The following OSBPL8 variants were observed in gnomAD, a reference collection of about 807,000 sequenced individuals.
OSBPL8 encodes the protein oxysterol binding protein like 8.
In OSBPL8, 59 loss-of-function variants were observed where a neutral mutation model predicts 125.5. That is an observed-to-expected ratio of 0.47 (90% CI 0.38 to 0.58). OSBPL8 has a LOEUF of 0.58. Ranked by LOEUF, OSBPL8 falls within the 20% of genes least tolerant of loss-of-function variation. The probability of loss-of-function intolerance (pLI) is 0.00; values close to 1 mark genes in which losing one functional copy is unlikely to be tolerated. For missense variants in OSBPL8, 758 were observed against 1,047.8 expected (o/e 0.72, Z 3.82); for synonymous variants, 330 against 338.9 (o/e 0.97, Z 0.29).
At chr12:76,482,472 G>A (rs1325244404) in intron 2 of OSBPL8, among the ~76,000 whole-genome samples, 1 of 152,090 alleles carries the variant, frequency 6.6e-6, no homozygotes, top group African/African-American at 2.4e-5. Context: ...AATTAGCCGG[G>A]CGTGGTGGCG....
intron 1 of OSBPL8, among the ~76,000 whole-genome samples, chr12:76,488,763 A>G (rs1488458809): frequency 3.9e-5 from 6 of 152,264 alleles, no homozygotes; most frequent in Admixed American, 2.0e-4. Flanking sequence ...ATCAGTCACA[A>G]TAATATTGAA....
intron 4 of OSBPL8, among the ~76,000 whole-genome samples, chr12:76,434,647 A>C (rs1871236491): frequency 6.6e-6 from 1 of 152,184 alleles, no homozygotes; most frequent in Admixed American, 6.5e-5. Flanking sequence ...TCAACTCAAT[A>C]ACAAAAATTT....
intron 4 of OSBPL8, among the ~76,000 whole-genome samples, chr12:76,419,604 C>G (rs182823857): frequency 6.6e-6 from 1 of 152,122 alleles, no homozygotes; most frequent in African/African-American, 2.4e-5. Context: ...GTACTTAAGA[C>G]TGAAGCAAGA....
chr12:76,511,167 C>T (rs1044148302), intron 1 of OSBPL8, among the ~76,000 whole-genome samples: 2 of 152,144 alleles, frequency 1.3e-5, no homozygotes, highest in African/African-American at 2.4e-5. Flanking sequence ...AGGTTGATTC[C>T]GTGTCTTCGC....
chr12:76,356,162 T>TGGGGGGGGGGGGGGAGGGGG, intron 23 of OSBPL8, 141 bp from the exon 24 acceptor site: 1 of 131,274 alleles, frequency 7.6e-6, no homozygotes, highest in South Asian at 1.1e-4. Flanking sequence ...TATGTAGGGG[T>TGGGGGGGGGGGGGGAGGGGG]GGGGGGGGGC....
chr12:76,518,587 T>C (rs1881777442), intron 1 of OSBPL8, among the ~76,000 whole-genome samples: 1 of 152,150 alleles, frequency 6.6e-6, no homozygotes, highest in African/African-American at 2.4e-5. Flanking sequence ...CTAGTAGAGG[T>C]TCTCTGTGAG....
intron 2 of OSBPL8, among the ~76,000 whole-genome samples, chr12:76,479,892 C>T (rs1877263054): frequency 6.6e-6 from 1 of 152,042 alleles, no homozygotes; most frequent in African/African-American, 2.4e-5. Context: ...AGAGGCCGGG[C>T]GCGGTGGCTC....
At chr12:76,482,187 AAATT>A (rs1174403513) in intron 2 of OSBPL8, among the ~76,000 whole-genome samples, 1 of 152,258 alleles carries the variant, frequency 6.6e-6, no homozygotes, top group African/African-American at 2.4e-5. Context: ...CATATTTTTT[AAATT>A]GTTGCTTTCT....
At chr12:76,439,872 G>A (rs1286498200) in intron 4 of OSBPL8, among the ~76,000 whole-genome samples, 1 of 151,920 alleles carries the variant, frequency 6.6e-6, no homozygotes. Context: ...CCTTAAGCTT[G>A]CCAAAGGTTT....
At chr12:76,459,935 C>T (rs746896953) in intron 2 of OSBPL8, 40 bp from the exon 3 acceptor site, 26 of 1,609,562 alleles carry the variant, frequency 1.6e-5, no homozygotes, top group Non-Finnish European at 2.2e-5. Context: ...CAAATACAGT[C>T]CAAATCAGGA....
chr12:76,358,073 G>A (rs1952050354), intron 22 of OSBPL8, among the ~76,000 whole-genome samples: 1 of 151,008 alleles, frequency 6.6e-6, no homozygotes, highest in Admixed American at 6.6e-5. Flanking sequence ...ATGGAACTGA[G>A]TTCAAAGCTC....
At chr12:76,545,849 A>T (rs1592895569) in intron 1 of OSBPL8, among the ~76,000 whole-genome samples, 1 of 152,220 alleles carries the variant, frequency 6.6e-6, no homozygotes. Context: ...GCTAACTCTT[A>T]TATTGAAAGC....
chr12:76,501,056 GTAAT>G (rs1879845926), intron 1 of OSBPL8, among the ~76,000 whole-genome samples: 1 of 151,732 alleles, frequency 6.6e-6, no homozygotes, highest in African/African-American at 2.4e-5. Flanking sequence ...TAGGTGATTT[GTAAT>G]TATTTATTGA....
chr12:76,419,323 AG>A (rs1431225220), intron 4 of OSBPL8, among the ~76,000 whole-genome samples: 2 of 152,220 alleles, frequency 1.3e-5, no homozygotes, highest in Admixed American at 6.5e-5. Flanking sequence ...CATTGCATTT[AG>A]GGATAAAAAC....
At chr12:76,521,329 G>A (rs747154739) in intron 1 of OSBPL8, among the ~76,000 whole-genome samples, 12 of 152,164 alleles carry the variant, frequency 7.9e-5, no homozygotes, top group African/African-American at 1.7e-4. Flanking sequence ...TGGAGAAACC[G>A]GAACTTGTGT....
chr12:76,508,339 T>C (rs1012747033), intron 1 of OSBPL8, among the ~76,000 whole-genome samples: 19 of 152,218 alleles, frequency 1.2e-4, no homozygotes, highest in Admixed American at 2.0e-4. Context: ...AGCCATACCA[T>C]ATAAGGATGT....
chr12:76,559,104 G>A (rs1246073358), intron 1 of OSBPL8, among the ~76,000 whole-genome samples: 2 of 152,144 alleles, frequency 1.3e-5, no homozygotes, highest in Admixed American at 6.5e-5. Context: ...CAAACTTCAG[G>A]AGGGACAGAC....
chr12:76,407,005 C>G (rs989214625), intron 5 of OSBPL8, among the ~76,000 whole-genome samples: 10 of 152,052 alleles, frequency 6.6e-5, no homozygotes, highest in African/African-American at 2.4e-4. Context: ...TAACATTTAA[C>G]CTAAAATCCT....
intron 1 of OSBPL8, among the ~76,000 whole-genome samples, chr12:76,497,981 C>T (rs1044881660): frequency 2.0e-5 from 3 of 152,222 alleles, no homozygotes; most frequent in African/African-American, 7.2e-5. Flanking sequence ...TTTGTGTGAA[C>T]ATTTTCCTTA....
Sources: allele counts gnomAD v4.1 joint callset (sites outside exome capture counted in the v4.1 genomes callset), GRCh38; gene constraint gnomAD v4.1.1; transcripts MANE v1.5; gene names NCBI Gene and HGNC (gene_info 2026-07-23, HGNC 2026-07-21).